PSG7: variants seen among roughly 807,000 people sequenced by gnomAD.
The protein encoded by PSG7 is pregnancy-specific beta-1-glycoprotein 7.
PSG7 carries 57 observed loss-of-function variants against 45.6 expected under a neutral mutation model. That is an observed-to-expected ratio of 1.25 (90% CI 1.01 to 1.56). The LOEUF (loss-of-function observed/expected upper bound fraction) is 1.56, where lower values mean the gene tolerates loss of function less well. Among genes scored for constraint, PSG7 ranks in the 40% most tolerant of loss-of-function variants. The pLI is 0.00. For synonymous variants in PSG7, 298 were observed against 194.4 expected (o/e 1.53, Z -4.43); for missense variants, 796 against 508.4 (o/e 1.57, Z -5.44).
At position 42,926,670 on chromosome 19, in the gene PSG7, C is replaced by T. The variant is rs377182922; in HGVS notation, c.756G>A (p.Arg252=). ...PYITINNLNP[R]ENKDVSTFTC... ...TGAAGGTTGAGACATCCTTATTCTC[C>T]CTGGGGTTTAAGTTATTGATGGTGA... is the stretch of plus-strand genomic sequence containing the variant. The change falls in exon 4 of 6, where the codon AGG becomes AGA. Residue 252 remains arginine, a synonymous_variant. Coordinates refer to ENST00000406070, the MANE Select transcript of PSG7 (RefSeq NM_002783.3). 8.8e-5 allele frequency: 141 copies of T among 1,610,108 alleles called. 4 individuals carry two copies. Among genetic ancestry groups the T allele is most frequent in the Non-Finnish European group, 1.1e-4 (128 of 1,179,000 alleles).
In PSG7 at chr19:42,935,873, GACACACACACACACACAC is replaced by G. The variant is rs60833164; in HGVS notation, c.65-122_65-105del. 3,948 of 729,504 alleles carry G rather than the reference GACACACACACACACACAC, an allele frequency of 5.4e-3. 138 individuals carry two copies. The African/African-American group carries it at 0.069, about 13-fold the overall frequency. 45.2% of individuals were successfully genotyped at this position (729,504 alleles called of 1,614,324 possible). On this transcript the variant is annotated intron_variant, in intron 1 of 5. Coordinates refer to ENST00000406070, the MANE Select transcript of PSG7 (RefSeq NM_002783.3). ...GGTCTCTTCAATCCTCAGCCTTGAA[GACACACACACACACACAC>G]ACACACACACACACACACACACAAA... is the stretch of plus-strand genomic sequence containing the variant.
At chr19:42,930,798 T>C (rs542223456) in intron 2 of PSG7, among the ~76,000 whole-genome samples, 10 of 151,632 alleles carry the variant, frequency 6.6e-5, no homozygotes, top group South Asian at 2.1e-4. Flanking sequence ...CGTGGGTGTG[T>C]GGTTTCAGTT....
chr19:42,935,371 C>T (rs782351427), intron 2 of PSG7, 33 bp downstream of exon 2: 2 of 1,610,446 alleles, frequency 1.2e-6, no homozygotes, highest in South Asian at 2.2e-5. Flanking sequence ...ACCCCTGCCC[C>T]CCAACACCCA....
At chr19:42,933,301 A>AT (rs1439847468) in intron 2 of PSG7, among the ~76,000 whole-genome samples, 9 of 14,642 alleles carry the variant, frequency 6.1e-4, no homozygotes, top group Non-Finnish European at 9.0e-4. Context: ...ATATATATAT[A>AT]TATATATTTT....
At position 42,929,686 on chromosome 19, in the gene PSG7, A is replaced by C; in HGVS notation, c.465T>G (p.Asn155Lys). The change falls in exon 3 of 6, where the codon AAT becomes AAG. Residue 155 changes from asparagine (N) to lysine (K), a missense_variant. Asn to Lys is a moderately conservative substitution (Grantham distance 94). Transcript: ENST00000406070. ...ETPKPSISSS[N>K]FNPREATEAV... is the part of the protein sequence containing the mutation. Reference sequence around the variant, plus strand: ...CCTCCGTGGCCTCCCTGGGGTTGAAATTGCTGCTGGAGATGGAGGGTTTGG... The same window carrying C: ...CCTCCGTGGCCTCCCTGGGGTTGAACTTGCTGCTGGAGATGGAGGGTTTGG... 6.2e-7 allele frequency: 1 copy of C among 1,612,318 alleles called. No homozygotes were observed. The highest frequency in any genetic ancestry group is 1.1e-5 in the South Asian group (1 of 90,824).
At chr19:42,935,874 AC>A in intron 1 of PSG7, 105 bp from the exon 2 acceptor site, 1 of 199,176 alleles carries the variant, frequency 5.0e-6, no homozygotes, top group South Asian at 9.6e-5. Flanking sequence ...AGCCTTGAAG[AC>A]ACACACACAC....
At chr19:42,934,189 A>G (rs1005358528) in intron 2 of PSG7, among the ~76,000 whole-genome samples, 1 of 151,378 alleles carries the variant, frequency 6.6e-6, no homozygotes. Flanking sequence ...GATGGGTGTT[A>G]AGATCTGAGG....
chr19:42,926,477 C>A lies in PSG7; in HGVS notation c.949G>T (p.Gly317Cys). 1 of 1,611,598 alleles carries A rather than the reference C, an allele frequency of 6.2e-7. No individual in the cohort carries two copies. Among genetic ancestry groups the A allele is most frequent in the South Asian group, 1.1e-5 (1 of 90,606 alleles). ...GTGACTGGGTCACTGCGGATGCCACCATATCGGTCCCGTATTTCACATTGA... is the reference window on the plus strand; with the variant it reads ...GTGACTGGGTCACTGCGGATGCCACAATATCGGTCCCGTATTTCACATTGA... ...PYQCEIRDRYGGIRSDPVTLN... is the reference protein window; with the variant it reads ...PYQCEIRDRYCGIRSDPVTLN... The change falls in exon 4 of 6, where the codon GGT becomes TGT. Residue 317 changes from glycine (G) to cysteine (C), a missense_variant. Physicochemically the swap from Gly to Cys is radical, Grantham distance 159 (BLOSUM62 -3). Transcript: ENST00000406070.
At chr19:42,926,760 G>A (rs1189069185) in intron 3 of PSG7, 44 bp from the exon 4 acceptor site, 3 of 1,602,516 alleles carry the variant, frequency 1.9e-6, no homozygotes, top group Non-Finnish European at 1.7e-6. Context: ...TGGCACCTTT[G>A]ATTCCTCCAC....
rs1373893966 is a variant in PSG7, at chr19:42,926,686, T to C, written c.740A>G (p.Asn247Ser). 5 of 1,610,306 alleles carry C rather than the reference T, an allele frequency of 3.1e-6. No individual in the cohort carries two copies. In the African/African-American group the frequency reaches 6.7e-5, roughly 22 times the overall value. The change falls in exon 4 of 6, where the codon AAT (asparagine) becomes AGT (serine). Residue 247 changes from asparagine (N) to serine (S), a missense_variant. By Grantham distance (46) the Asn-to-Ser change is conservative. Transcript: ENST00000406070. ...CTTATTCTCCCTGGGGTTTAAGTTA[T>C]TGATGGTGATGTAGGGCTTGGGCAG... ...PKLPKPYITI[N>S]NLNPRENKDV...
At chr19:42,936,936 C>A (rs1191291340) in intron 1 of PSG7, 77 bp downstream of exon 1, 1 of 1,580,504 alleles carries the variant, frequency 6.3e-7, no homozygotes, top group African/African-American at 1.4e-5. Flanking sequence ...TTTTTTAGAA[C>A]CCCATCCTCT....
intron 3 of PSG7, among the ~76,000 whole-genome samples, chr19:42,928,660 C>A (rs1301184484): frequency 6.6e-6 from 1 of 151,300 alleles, no homozygotes; most frequent in Non-Finnish European, 1.5e-5. Flanking sequence ...GGTTTTGGAG[C>A]AGAAATATAT....
At chr19:42,930,289 A>G (rs11671153) in intron 2 of PSG7, among the ~76,000 whole-genome samples, 21,324 of 151,498 alleles carry the variant, frequency 0.14, 2,224 homozygotes, top group Non-Finnish European at 0.21. Context: ...GTCATCAGGC[A>G]GTGCAGCCAC....
rs747689295 is a variant in PSG7, at chr19:42,937,028, C to T, written c.49G>A (p.Gly17Arg). The part of the protein sequence containing the change: ...PPCTQHITWK[G>R]LLLTASLLNF... ...CTCTCCTCACCTGTGAGCAGGAGCC[C>T]TTTCCAGGTTATATGCTGTGTGCAG... The change falls in exon 1 of 6, where the codon GGG becomes AGG. Residue 17 changes from glycine to arginine, a missense_variant. Coordinates refer to ENST00000406070, the MANE Select transcript of PSG7 (RefSeq NM_002783.3). The T allele has an allele frequency of 3.7e-6, 6 of 1,611,562 alleles. No homozygotes were observed. In the East Asian group the frequency reaches 1.3e-4, roughly 36 times the overall value.
intron 3 of PSG7, among the ~76,000 whole-genome samples, chr19:42,928,936 A>C (rs1322343320): frequency 1.3e-5 from 2 of 151,592 alleles, no homozygotes; most frequent in Admixed American, 1.3e-4. Context: ...CAATCAGCCA[A>C]GAATGCTCGG....
At chr19:42,935,198 T>G (rs1305710750) in intron 2 of PSG7, among the ~76,000 whole-genome samples, 6 of 151,882 alleles carry the variant, frequency 4.0e-5, no homozygotes, top group South Asian at 2.1e-4. Flanking sequence ...TGCAGCAAGT[T>G]TCTGCAGGGT....
rs140186961 is a variant in PSG7 at position 42,932,014 on chromosome 19, C to G, written c.431-2294G>C. Among the ~76,000 whole-genome samples, 591 of 151,476 alleles carry G rather than the reference C, an allele frequency of 3.9e-3. 10 individuals are homozygous for G. Among genetic ancestry groups the G allele is most frequent in the African/African-American group, 0.014 (566 of 41,222 alleles). ...ACCAGTAAGCATCAAAAGCATTCTT[C>G]ATTTCTCAAACAGCATTTTTTTTTT... is the stretch of plus-strand genomic sequence containing the variant. On this transcript the variant is annotated intron_variant, in intron 2 of 5. Coordinates refer to ENST00000406070, the MANE Select transcript of PSG7 (RefSeq NM_002783.3).
At position 42,925,568 on chromosome 19, in the gene PSG7, G is replaced by A; in HGVS notation, c.1243+205C>T. ...TCAATGTTTTTCCTGCTTGGTCTAGGCTGGGAATGTTATGAAGATATCAGC... is the reference window on the plus strand; with the variant it reads ...TCAATGTTTTTCCTGCTTGGTCTAGACTGGGAATGTTATGAAGATATCAGC... On this transcript the variant is annotated intron_variant, in intron 5 of 5. Coordinates refer to ENST00000406070, the MANE Select transcript of PSG7 (RefSeq NM_002783.3). The A allele has an allele frequency of 3.9e-6, 5 of 1,295,134 alleles. 1 individual carries two copies. The highest frequency in any genetic ancestry group is 3.1e-6 in the Non-Finnish European group (3 of 959,378). The allele number at this position is 1,295,134 out of a possible 1,614,324, so 80.2% of individuals were successfully genotyped here.
At position 42,925,862 on chromosome 19, in the gene PSG7, G is replaced by A. The variant is rs2122670634; in HGVS notation, c.1154C>T (p.Thr385Ile). 1.2e-6 allele frequency: 2 copies of A among 1,612,068 alleles called. No homozygotes were observed. Among genetic ancestry groups the A allele is most frequent in the Non-Finnish European group, 1.7e-6 (2 of 1,179,064 alleles). ...AGCATAGAGCCCGCTATGCTTTGTAGTAATCTGGGGGATAGAAAGCTTTTG... is the reference window on the plus strand; with the variant it reads ...AGCATAGAGCCCGCTATGCTTTGTAATAATCTGGGGGATAGAAAGCTTTTG... Reference protein sequence around the residue: ...SGQKLSIPQITTKHSGLYACS... With the variant: ...SGQKLSIPQIITKHSGLYACS... Residue 385 changes from threonine to isoleucine, a missense_variant, in exon 5 of 6, where the codon ACT (threonine) becomes ATT (isoleucine). Coordinates refer to ENST00000406070, the MANE Select transcript of PSG7 (RefSeq NM_002783.3).
Sources: allele counts gnomAD v4.1 joint callset (sites outside exome capture counted in the v4.1 genomes callset), GRCh38; gene constraint gnomAD v4.1.1; transcripts MANE v1.5; gene names NCBI Gene and HGNC (gene_info 2026-07-23, HGNC 2026-07-21).